The following MELK variants were observed in gnomAD, a reference collection of about 807,000 sequenced individuals.
MELK encodes the protein pEg3 kinase.
In MELK, 81 loss-of-function variants were observed where a neutral mutation model predicts 85.0. The observed-to-expected ratio is 0.95, with a 90% CI of 0.80 to 1.15. MELK has a LOEUF of 1.15. Ranked by LOEUF, MELK falls within the 50% of genes most tolerant of loss-of-function variation. MELK has a pLI of 0.00. For missense variants in MELK, 754 were observed against 777.5 expected (o/e 0.97, Z 0.36); for synonymous variants, 252 against 265.0 (o/e 0.95, Z 0.48).
Position 36,633,163 on chromosome 9 carries a change from A to G in MELK, c.797A>G (p.Asp266Gly). 1.2e-6 allele frequency: 2 copies of G among 1,608,358 alleles called. No homozygotes were observed. The highest frequency in any genetic ancestry group is 8.5e-7 in the Non-Finnish European group (1 of 1,178,852). The change falls in exon 10 of 18, where the codon GAT becomes GGT. Residue 266 changes from aspartate (D) to glycine (G), a missense_variant. By Grantham distance (94) the Asp-to-Gly change is moderately conservative. Coordinates refer to ENST00000298048, the MANE Select transcript of MELK (RefSeq NM_014791.4). ...NLLNHPWIMQ[D>G]YNYPVEWQSK... ...TTGAACCATCCCTGGATCATGCAAG[A>G]TTACAACTATCCTGTTGAGTGGCAA...
At chr9:36,576,023 T>C (rs1473575412) in intron 1 of MELK, among the ~76,000 whole-genome samples, 2 of 152,216 alleles carry the variant, frequency 1.3e-5, no homozygotes, top group Non-Finnish European at 2.9e-5. Flanking sequence ...GTTTTTAGGA[T>C]GAGGTTCCAG....
intron 8 of MELK, among the ~76,000 whole-genome samples, chr9:36,621,143 A>G (rs1273380011): frequency 6.6e-6 from 1 of 151,414 alleles, no homozygotes; most frequent in Non-Finnish European, 1.5e-5. Context: ...ATAGTGGTGC[A>G]TGCCTGTAAT....
chr9:36,596,284 A>ATAT (rs1282006472), intron 5 of MELK, among the ~76,000 whole-genome samples: 2 of 151,656 alleles, frequency 1.3e-5, no homozygotes, highest in Non-Finnish European at 1.5e-5. Flanking sequence ...TGGGGAAGTG[A>ATAT]TAGAGTGATC....
chr9:36,589,252 C>T (rs1481325096), intron 3 of MELK, among the ~76,000 whole-genome samples: 8 of 151,986 alleles, frequency 5.3e-5, no homozygotes. Flanking sequence ...GGATTCACGC[C>T]ATTCTCCTGC....
intron 13 of MELK, among the ~76,000 whole-genome samples, chr9:36,659,236 A>C (rs1225265314): frequency 6.6e-6 from 1 of 151,494 alleles, no homozygotes; most frequent in Non-Finnish European, 1.5e-5. Context: ...GGCTGGTGTT[A>C]AACTCCTGAC....
At chr9:36,600,575 T>TG (rs1478020325) in intron 7 of MELK, among the ~76,000 whole-genome samples, 5 of 152,054 alleles carry the variant, frequency 3.3e-5, no homozygotes, top group Admixed American at 2.0e-4. Flanking sequence ...TTAGTAGAGA[T>TG]GGGGTTTCAC....
intron 2 of MELK, among the ~76,000 whole-genome samples, chr9:36,582,287 T>G (rs1242747525): frequency 6.6e-6 from 1 of 152,204 alleles, no homozygotes; most frequent in Non-Finnish European, 1.5e-5. Context: ...TTCTTGACTT[T>G]TATTCTAAAT....
At chr9:36,606,415 TATATATACATATGTATAGGTGTGTATATA>T (rs1825508050) in intron 7 of MELK, among the ~76,000 whole-genome samples, 2 of 125,290 alleles carry the variant, frequency 1.6e-5, no homozygotes, top group East Asian at 2.1e-4. Context: ...GGTGTGTGTA[TATATATACATATGTATAGGTGTGTATATA>T]ATATATACAT....
At chr9:36,605,751 C>T (rs1476200764) in intron 7 of MELK, among the ~76,000 whole-genome samples, 1 of 151,472 alleles carries the variant, frequency 6.6e-6, no homozygotes, top group Non-Finnish European at 1.5e-5. Flanking sequence ...AGTATAAGTA[C>T]TACCCAGATA....
intron 13 of MELK, among the ~76,000 whole-genome samples, chr9:36,664,261 G>A (rs1399786753): frequency 6.6e-6 from 1 of 151,946 alleles, no homozygotes. Flanking sequence ...ACTTATTTAT[G>A]TTCTGTATTT....
intron 3 of MELK, among the ~76,000 whole-genome samples, chr9:36,584,667 A>G (rs1036853966): frequency 2.6e-5 from 4 of 151,264 alleles, no homozygotes; most frequent in Non-Finnish European, 5.9e-5. Flanking sequence ...CTTACTAAAT[A>G]TAAATCATTT....
chr9:36,632,739 T>C (rs1828760001), intron 9 of MELK, among the ~76,000 whole-genome samples: 1 of 152,250 alleles, frequency 6.6e-6, no homozygotes, highest in South Asian at 2.1e-4. Context: ...GCATATTCAG[T>C]ATGAATGCCC....
chr9:36,581,748 TA>T lies in MELK; in HGVS notation c.58+10del, dbSNP rs1822258483. 3.2e-6 allele frequency: 5 copies of T among 1,584,534 alleles called. No homozygotes were observed. The highest frequency in any genetic ancestry group is 3.5e-6 in the Non-Finnish European group (4 of 1,155,002). On this transcript the variant is annotated intron_variant, in intron 2 of 17. Coordinates refer to ENST00000298048, the MANE Select transcript of MELK (RefSeq NM_014791.4). ...TGAAACTATTGGGACAGGTAATTGT[TA>T]TTTTTTTTTGGAGGCAGTGGATAGA... is the stretch of plus-strand genomic sequence containing the variant.
rs2136953588 is a variant in MELK, at chr9:36,643,074, A to G, written c.912A>G (p.Leu304=). The change falls in exon 11 of 18, where the codon TTA becomes TTG. Residue 304 remains leucine, a synonymous_variant. Coordinates refer to ENST00000298048, the MANE Select transcript of MELK (RefSeq NM_014791.4). The part of the protein sequence containing the change: ...HRNNRQTMED[L]ISLWQYDHLT... ...ACAACAGGCAAACAATGGAGGATTT[A>G]ATTTCACTGGTAAGAAATACAGCAT... The G allele has an allele frequency of 6.2e-7, 1 of 1,612,166 alleles. No homozygotes were observed. Among genetic ancestry groups the G allele is most frequent in the East Asian group, 2.2e-5 (1 of 44,838 alleles).
At chr9:36,667,399 G>A (rs1422445354) in intron 14 of MELK, among the ~76,000 whole-genome samples, 3 of 152,120 alleles carry the variant, frequency 2.0e-5, no homozygotes, top group Non-Finnish European at 2.9e-5. Flanking sequence ...CAGGTGATCT[G>A]CCCTCTTCAG....
intron 8 of MELK, among the ~76,000 whole-genome samples, chr9:36,614,137 T>C (rs936340860): frequency 6.6e-6 from 1 of 150,542 alleles, no homozygotes; most frequent in African/African-American, 2.5e-5. Context: ...CGCCCTGTCG[T>C]CCAGGCTGGA....
rs74181197 is a variant in MELK at position 36,636,728 on chromosome 9, A to ATTTCTTTCTTTCTTTCTTTCTTTC, written c.834+3562_834+3585dup. 3.2e-3 allele frequency among the ~76,000 whole-genome samples: 318 copies of ATTTCTTTCTTTCTTTCTTTCTTTC among 100,928 alleles called. 7 individuals are homozygous for ATTTCTTTCTTTCTTTCTTTCTTTC. Among genetic ancestry groups the ATTTCTTTCTTTCTTTCTTTCTTTC allele is most frequent in the African/African-American group, 5.6e-3 (139 of 24,612 alleles). The allele number at this position is 100,928 out of a possible 152,430, so 66.2% of individuals were successfully genotyped here. On this transcript the variant is annotated intron_variant, in intron 10 of 17. Coordinates refer to ENST00000298048, the MANE Select transcript of MELK (RefSeq NM_014791.4). ...CTGGACTTTTTTATGTAGCAACTGG[A>ATTTCTTTCTTTCTTTCTTTCTTTC]TTTCTTTCTTTCTTTCTTTCTTTCT...
intron 4 of MELK, among the ~76,000 whole-genome samples, chr9:36,592,200 A>G (rs1304149801): frequency 7.5e-5 from 9 of 120,778 alleles, no homozygotes; most frequent in African/African-American, 2.0e-4. Context: ...TTTGAGACGG[A>G]GTCTCACACT....
At chr9:36,670,328 A>C (rs926871025) in intron 15 of MELK, among the ~76,000 whole-genome samples, 2 of 152,058 alleles carry the variant, frequency 1.3e-5, no homozygotes, top group African/African-American at 2.4e-5. Context: ...TCCAACCAGA[A>C]AAATTTCAGA....
Sources: allele counts gnomAD v4.1 joint callset (sites outside exome capture counted in the v4.1 genomes callset), GRCh38; gene constraint gnomAD v4.1.1; transcripts MANE v1.5; gene names NCBI Gene and HGNC (gene_info 2026-07-23, HGNC 2026-07-21).